TBK1: variants seen among roughly 807,000 people sequenced by gnomAD.
The protein encoded by TBK1 is serine/threonine-protein kinase TBK1.
A neutral mutation model predicts 99.9 loss-of-function variants in TBK1; 37 were observed. That is an observed-to-expected ratio of 0.37 (90% confidence interval 0.28 to 0.49). The LOEUF is 0.49. TBK1 is among the 20% of genes least tolerant of loss of function. TBK1 has a pLI of 0.98. For synonymous variants in TBK1, 258 were observed against 279.8 expected, an observed-to-expected ratio of 0.92 and a Z score of 0.78; for missense variants, 644 against 872.5, an observed-to-expected ratio of 0.74 and a Z score of 3.30.
At chr12:64,465,264 A>AAAAG (rs1555202820) in intron 4 of TBK1, among the ~76,000 whole-genome samples, 10 of 150,620 alleles carry the variant, frequency 6.6e-5, no homozygotes, top group African/African-American at 2.5e-4. Context: ...AAAAAAAAAA[A>AAAAG]CAAGTGTTGG....
At chr12:64,495,903 G>C in intron 15 of TBK1, 128 bp downstream of exon 15, 1 of 545,474 alleles carries the variant, frequency 1.8e-6, no homozygotes. Context: ...ATGTGATTCT[G>C]TCAGGAAAAA....
At chr12:64,483,679 A>C (rs1408113726) in intron 8 of TBK1, among the ~76,000 whole-genome samples, 1 of 152,080 alleles carries the variant, frequency 6.6e-6, no homozygotes, top group African/African-American at 2.4e-5. Context: ...AGTGCTCTAA[A>C]CCGCTCTGCT....
chr12:64,474,853 C>CA (rs1455786382), intron 6 of TBK1, among the ~76,000 whole-genome samples: 2 of 152,194 alleles, frequency 1.3e-5, no homozygotes, highest in African/African-American at 4.8e-5. Context: ...CGTGGTGGCT[C>CA]ACGCCTGTAA....
At chr12:64,456,850 A>G (rs916758260) in intron 2 of TBK1, among the ~76,000 whole-genome samples, 3 of 152,010 alleles carry the variant, frequency 2.0e-5, no homozygotes, top group African/African-American at 7.2e-5. Flanking sequence ...AAAAAAAAAA[A>G]AAAAAGGATT....
intron 3 of TBK1, among the ~76,000 whole-genome samples, chr12:64,462,662 TA>T (rs1400813079): frequency 6.6e-6 from 1 of 152,130 alleles, no homozygotes. Context: ...AAATATTTTA[TA>T]AAAGTGTTTT....
chr12:64,463,875 T>G (rs888271742), intron 3 of TBK1, among the ~76,000 whole-genome samples: 44 of 151,642 alleles, frequency 2.9e-4, no homozygotes, highest in African/African-American at 6.1e-4. Flanking sequence ...TTTTTGTTTT[T>G]TTTTTTTGAG....
chr12:64,498,508 C>A (rs2040952826), intron 20 of TBK1, among the ~76,000 whole-genome samples: 1 of 152,252 alleles, frequency 6.6e-6, no homozygotes, highest in African/African-American at 2.4e-5. Context: ...TGAAAGCCTG[C>A]AGAGGCAATA....
intron 3 of TBK1, among the ~76,000 whole-genome samples, chr12:64,461,747 G>C (rs755524316): frequency 3.3e-5 from 5 of 152,172 alleles, no homozygotes; most frequent in Non-Finnish European, 7.3e-5. Flanking sequence ...TACAAATGTG[G>C]GGGTTGCCCA....
Position 64,463,524 on chromosome 12 carries a change from C to A in TBK1, c.229-810C>A, listed in dbSNP as rs891155661. On this transcript the variant is annotated intron_variant, in intron 3 of 20. Coordinates refer to ENST00000331710, the MANE Select transcript of TBK1 (RefSeq NM_013254.4). Reference sequence around the variant, plus strand: ...GACTAGCCTGGGCAACATAGTGAGACCCCGTCTCTACAAAATAATAGAAAA... The same window carrying A: ...GACTAGCCTGGGCAACATAGTGAGAACCCGTCTCTACAAAATAATAGAAAA... Among the ~76,000 whole-genome samples the A allele has an allele frequency of 5.9e-5, 9 of 151,920 alleles. No individual in the cohort carries two copies. In the South Asian group the frequency reaches 1.2e-3, roughly 21 times the overall value.
At chr12:64,500,071 T>G (rs1160802375) in intron 20 of TBK1, among the ~76,000 whole-genome samples, 2 of 152,216 alleles carry the variant, frequency 1.3e-5, no homozygotes, top group Non-Finnish European at 2.9e-5. Flanking sequence ...AAACCACATT[T>G]AGTAAGTCAG....
At chr12:64,487,406 A>C (rs1424439010) in intron 11 of TBK1, among the ~76,000 whole-genome samples, 3 of 151,296 alleles carry the variant, frequency 2.0e-5, no homozygotes, top group Non-Finnish European at 2.9e-5. Context: ...GCATTTCATC[A>C]CTCTTTTTAG....
At chr12:64,485,303 T>G in intron 9 of TBK1, 152 bp from the exon 10 acceptor site, 1 of 455,690 alleles carries the variant, frequency 2.2e-6, no homozygotes, top group Non-Finnish European at 3.9e-6. Flanking sequence ...AGAATGAGCA[T>G]TATTGTTTGA....
rs201408461 is a variant in TBK1 at position 64,501,394 on chromosome 12, A to C, written c.*13A>C. The C allele has an allele frequency of 8.1e-6, 13 of 1,612,380 alleles. No homozygotes were observed. In the East Asian group the frequency reaches 2.9e-4, roughly 36 times the overall value. On this transcript the variant is annotated 3_prime_UTR_variant, in exon 21 of 21. Coordinates refer to ENST00000331710, the MANE Select transcript of TBK1 (RefSeq NM_013254.4). ...TGACTGTCTTTAGCTTTCTAATAGA[A>C]GTTTAAGAAAAGTTTCCGTTTGCAC...
At position 64,469,728 on chromosome 12, in the gene TBK1, A is replaced by G. The variant is rs140728178; in HGVS notation, c.540+2646A>G. Among the ~76,000 whole-genome samples, 347 of 152,222 alleles carry G rather than the reference A, an allele frequency of 2.3e-3. 8 individuals are homozygous for G. Among genetic ancestry groups the G allele is most frequent in the East Asian group, 0.013 (65 of 5,180 alleles). The stretch of plus-strand genomic sequence containing the variant: ...CTCAAGCGCGTGTCCTTCAAATTCA[A>G]TGATTAGATAAGATAACTTGTTCAA... On this transcript the variant is annotated intron_variant, in intron 5 of 20. Coordinates refer to ENST00000331710, the MANE Select transcript of TBK1 (RefSeq NM_013254.4).
chr12:64,482,117 C>A, intron 8 of TBK1, 96 bp downstream of exon 8: 1 of 776,540 alleles, frequency 1.3e-6, no homozygotes, highest in Non-Finnish European at 1.8e-6. Context: ...TCAGCTTCAC[C>A]AAAAGTACCC....
intron 13 of TBK1, 22 bp from the exon 14 acceptor site, chr12:64,495,461 C>A: frequency 1.2e-6 from 2 of 1,611,330 alleles, no homozygotes; most frequent in South Asian, 1.1e-5. Flanking sequence ...CAATCTGGAT[C>A]TGAACCTTTG....
At chr12:64,468,410 G>GCCTC (rs1238870290) in intron 5 of TBK1, among the ~76,000 whole-genome samples, 2 of 151,770 alleles carry the variant, frequency 1.3e-5, no homozygotes, top group Non-Finnish European at 2.9e-5. Flanking sequence ...AGAATTGTCT[G>GCCTC]AACCTGGGAG....
chr12:64,496,477 C>A, intron 16 of TBK1, 71 bp downstream of exon 16: 1 of 722,368 alleles, frequency 1.4e-6, no homozygotes, highest in Non-Finnish European at 2.1e-6. Context: ...TATGATTCTT[C>A]TTAAAGTTGA....
In TBK1 at chr12:64,496,743, A is replaced by AT. The variant is rs915609954; in HGVS notation, c.1761-198dup. On this transcript the variant is annotated intron_variant, in intron 16 of 20. Coordinates refer to ENST00000331710, the MANE Select transcript of TBK1 (RefSeq NM_013254.4). Reference sequence around the variant, plus strand: ...TTAATTTTAACCGCATTCAATAGGCATTTTTTTTACATCCATTTTGAACCT... The same window carrying AT: ...TTAATTTTAACCGCATTCAATAGGCATTTTTTTTTACATCCATTTTGAACCT... Among the ~76,000 whole-genome samples, 7 of 152,056 alleles carry AT rather than the reference A, an allele frequency of 4.6e-5. No homozygotes were observed. The South Asian group carries it at 6.3e-4, about 14-fold the overall frequency.
Sources: allele counts gnomAD v4.1 joint callset (sites outside exome capture counted in the v4.1 genomes callset), GRCh38; gene constraint gnomAD v4.1.1; transcripts MANE v1.5; gene names NCBI Gene and HGNC (gene_info 2026-07-23, HGNC 2026-07-21).